The following ANK3 variants were observed in gnomAD, a reference collection of about 807,000 sequenced individuals.
The protein encoded by ANK3 is ankyrin-3.
ANK3 carries 57 observed loss-of-function variants against 370.9 expected under a neutral mutation model. The ratio of observed to expected loss-of-function variants is 0.15; its 90% CI spans 0.12 to 0.19. The LOEUF is 0.19. ANK3 is among the 10% of genes least tolerant of loss of function. The pLI, the probability that ANK3 is intolerant of heterozygous loss-of-function variation, is 1.00. For synonymous variants in ANK3, 1,929 were observed against 1,946.3 expected (o/e 0.99, Z 0.23); for missense variants, 4,439 against 5,302.1 (o/e 0.84, Z 5.06).
chr10:60,705,320 G>A (rs7918918), intron 1 of ANK3, among the ~76,000 whole-genome samples: 48,586 of 143,690 alleles, frequency 0.34, 7,863 homozygotes, highest in Middle Eastern at 0.35. Context: ...ATAAATAAAG[G>A]TGATGATGAT....
chr10:60,724,656 A>G lies in ANK3; in HGVS notation c.57+8607T>C, dbSNP rs569240751. Among the ~76,000 whole-genome samples, 46 of 152,370 alleles carry G rather than the reference A, an allele frequency of 3.0e-4. 1 individual carries two copies. In the South Asian group the frequency reaches 9.3e-3, roughly 31 times the overall value. Reference sequence around the variant, plus strand: ...CTCTATTATCCAAAACGCAAAATTAACAAGGAACTTAATTTTTAAATTCAC... The same window carrying G: ...CTCTATTATCCAAAACGCAAAATTAGCAAGGAACTTAATTTTTAAATTCAC... On this transcript the variant is annotated intron_variant, in intron 1 of 43. Transcript: ENST00000373827.
chr10:60,076,434 C>T lies in ANK3; in HGVS notation c.4447G>A (p.Gly1483Arg), dbSNP rs1227652148. ...TEPGMIERST[G>R]ATRSLPTTYS... Reference sequence around the variant, plus strand: ...GTGGTGGGGAGGGATCTTGTTGCTCCTGTACTCCGTTCAACTGTTTCTTAA... The same window carrying T: ...GTGGTGGGGAGGGATCTTGTTGCTCTTGTACTCCGTTCAACTGTTTCTTAA... Residue 1483 changes from glycine (G) to arginine (R), a missense_variant, in exon 37 of 44, where the codon GGA becomes AGA. Gly to Arg is a moderately radical substitution (Grantham distance 125). Transcript: ENST00000280772. 2 of 1,593,962 alleles carry T rather than the reference C, an allele frequency of 1.3e-6. No homozygotes were observed. The highest frequency in any genetic ancestry group is 1.1e-5 in the South Asian group (1 of 88,026).
chr10:60,043,168 T>G lies in ANK3; in HGVS notation c.13066-409A>C, dbSNP rs1056064803. On this transcript the variant is annotated intron_variant, in intron 42 of 43. Coordinates refer to ENST00000280772, the MANE Select transcript of ANK3 (RefSeq NM_020987.5). Reference sequence around the variant, plus strand: ...GGAAATGCTGTTGATCTGAGGGACTTTTTTAAGTTAGTGGAATTGCCAATG... The same window carrying G: ...GGAAATGCTGTTGATCTGAGGGACTGTTTTAAGTTAGTGGAATTGCCAATG... 4 of 989,268 alleles carry G rather than the reference T, an allele frequency of 4.0e-6. No homozygotes were observed. In the African/African-American group the frequency reaches 7.0e-5, roughly 17 times the overall value. The allele number at this position is 989,268 out of a possible 1,614,324, so 61.3% of individuals were successfully genotyped here.
chr10:60,465,362 A>C (rs1174487006), intron 2 of ANK3, among the ~76,000 whole-genome samples: 1 of 152,238 alleles, frequency 6.6e-6, no homozygotes, highest in African/African-American at 2.4e-5. Context: ...GTCAACTATA[A>C]AAATTCCCAT....
intron 1 of ANK3, among the ~76,000 whole-genome samples, chr10:60,665,084 C>A (rs1022424551): frequency 2.0e-4 from 31 of 152,238 alleles, no homozygotes; most frequent in African/African-American, 7.2e-4. Flanking sequence ...TGCTTCCCAG[C>A]CCCATTGGGT....
chr10:60,519,310 C>G lies in ANK3; in HGVS notation c.96+95876G>C, dbSNP rs72807959. On this transcript the variant is annotated intron_variant, in intron 2 of 43. Transcript: ENST00000373827. Reference sequence around the variant, plus strand: ...CACTCACCAAATATCTCATAGTGTCCTGTATTTAAGACACTAGACAGGTGT... The same window carrying G: ...CACTCACCAAATATCTCATAGTGTCGTGTATTTAAGACACTAGACAGGTGT... Among the ~76,000 whole-genome samples, 947 of 152,168 alleles carry G rather than the reference C, an allele frequency of 6.2e-3. 4 individuals carry two copies. The highest frequency in any genetic ancestry group is 0.012 in the South Asian group (58 of 4,814).
chr10:60,728,047 G>A (rs925204196), intron 1 of ANK3, among the ~76,000 whole-genome samples: 31 of 152,084 alleles, frequency 2.0e-4, no homozygotes, highest in African/African-American at 6.5e-4. Flanking sequence ...CATGTTCATC[G>A]CCTCTTGGTA....
chr10:60,456,453 A>C (rs960013463), intron 2 of ANK3, among the ~76,000 whole-genome samples: 1 of 152,146 alleles, frequency 6.6e-6, no homozygotes, highest in Non-Finnish European at 1.5e-5. Flanking sequence ...TGGTTTTTCA[A>C]ACTACCTCCC....
intron 1 of ANK3, among the ~76,000 whole-genome samples, chr10:60,303,622 C>T (rs1277056534): frequency 6.6e-6 from 1 of 151,760 alleles, no homozygotes; most frequent in African/African-American, 2.4e-5. Context: ...AAAAGAGAAC[C>T]CTGGTACACT....
At chr10:60,477,738 T>C (rs2075110209) in intron 2 of ANK3, among the ~76,000 whole-genome samples, 1 of 151,988 alleles carries the variant, frequency 6.6e-6, no homozygotes, top group Non-Finnish European at 1.5e-5. Context: ...ACATAAAAAT[T>C]ATATAAATGA....
intron 2 of ANK3, among the ~76,000 whole-genome samples, chr10:60,553,849 T>C (rs2077147220): frequency 6.6e-6 from 1 of 152,234 alleles, no homozygotes; most frequent in African/African-American, 2.4e-5. Flanking sequence ...GATAACTGAT[T>C]ATGGCAACTA....
rs564330898 is a variant in ANK3 at position 60,568,338 on chromosome 10, A to G, written c.96+46848T>C. 7.9e-5 allele frequency among the ~76,000 whole-genome samples: 12 copies of G among 152,332 alleles called. No homozygotes were observed. The East Asian group carries it at 1.9e-3, about 24-fold the overall frequency. The stretch of plus-strand genomic sequence containing the variant: ...CTGACATCAAAAAAAGAACTTCCAC[A>G]AGCAAAAAGATTAAGACTCGCAGAA... On this transcript the variant is annotated intron_variant, in intron 2 of 43. Transcript: ENST00000373827.
chr10:60,263,813 G>T, intron 6 of ANK3, 22 bp downstream of exon 6: 1 of 1,612,662 alleles, frequency 6.2e-7, no homozygotes, highest in South Asian at 1.1e-5. Flanking sequence ...TGCATGACAG[G>T]CCCGTGTCCC....
rs776127567 is a variant in ANK3 at position 60,348,363 on chromosome 10, A to ACAC, written c.114+41061_114+41062insGTG. The stretch of plus-strand genomic sequence containing the variant: ...ATCACTAGCCAAAAAAAAAAAAAAA[A>ACAC]AAAAAAACACAAAAAACAAAAAAAA... On this transcript the variant is annotated intron_variant, in intron 1 of 43. Coordinates refer to ENST00000280772, the MANE Select transcript of ANK3 (RefSeq NM_020987.5). 3.0e-4 allele frequency among the ~76,000 whole-genome samples: 27 copies of ACAC among 89,500 alleles called. 2 individuals are homozygous for ACAC. Among genetic ancestry groups the ACAC allele is most frequent in the South Asian group, 2.4e-3 (6 of 2,474 alleles). 58.7% of individuals were successfully genotyped at this position (89,500 alleles called of 152,430 possible).
chr10:60,476,509 A>G (rs1409942766), intron 2 of ANK3, among the ~76,000 whole-genome samples: 2 of 152,190 alleles, frequency 1.3e-5, no homozygotes, highest in African/African-American at 4.8e-5. Context: ...AGCTTCATAG[A>G]AAACTATAAG....
At chr10:60,159,738 T>TA in intron 23 of ANK3, among the ~76,000 whole-genome samples, 1 of 152,112 alleles carries the variant, frequency 6.6e-6, no homozygotes. Context: ...CACGATGGAA[T>TA]AAAACTAGAA....
intron 4 of ANK3, among the ~76,000 whole-genome samples, 181 bp from the exon 5 acceptor site, chr10:60,270,410 T>C (rs974286994): frequency 3.9e-5 from 6 of 152,226 alleles, no homozygotes; most frequent in Admixed American, 3.9e-4. Context: ...ATTCCTGATC[T>C]GTGTAATTCA....
intron 2 of ANK3, among the ~76,000 whole-genome samples, chr10:60,438,091 T>C (rs1365059502): frequency 1.3e-5 from 2 of 152,196 alleles, no homozygotes; most frequent in African/African-American, 2.4e-5. Context: ...ATGCTGACCC[T>C]TATGTATGAT....
intron 40 of ANK3, 102 bp from the exon 41 acceptor site, chr10:60,059,532 T>G: frequency 7.9e-7 from 1 of 1,262,868 alleles, no homozygotes; most frequent in Non-Finnish European, 1.2e-6. Flanking sequence ...TTCTTCAAGT[T>G]GAATGTCCTC....
Sources: allele counts gnomAD v4.1 joint callset (sites outside exome capture counted in the v4.1 genomes callset), GRCh38; gene constraint gnomAD v4.1.1; transcripts MANE v1.5; gene names NCBI Gene and HGNC (gene_info 2026-07-23, HGNC 2026-07-21).